TUT4: variants seen among roughly 807,000 people sequenced by gnomAD.
The protein encoded by TUT4 is terminal uridylyltransferase 4.
Under a neutral mutation model 192.2 loss-of-function variants are expected in TUT4, and 36 were observed. The observed-to-expected ratio is 0.19, with a 90% confidence interval of 0.14 to 0.25. The LOEUF (loss-of-function observed/expected upper bound fraction) is 0.25. Among genes scored for constraint, TUT4 ranks in the 10% least tolerant of loss-of-function variants. The probability of loss-of-function intolerance (pLI) is 1.00; values close to 1 mark genes in which losing one functional copy is unlikely to be tolerated. For synonymous variants in TUT4, 618 were observed against 666.0 expected (o/e 0.93, Z 1.11); for missense variants, 1,493 against 1,957.2 (o/e 0.76, Z 4.47).
At chr1:52,424,155 AAAATG>A in intron 29 of TUT4, 153 bp from the exon 30 acceptor site, 1 of 709,564 alleles carries the variant, frequency 1.4e-6, no homozygotes, top group South Asian at 1.9e-5. Flanking sequence ...GGTGGGGAGA[AAAATG>A]AAGAAGGGAA....
intron 6 of TUT4, 114 bp from the exon 7 acceptor site, chr1:52,493,776 G>T: frequency 5.9e-6 from 4 of 674,002 alleles, no homozygotes; most frequent in East Asian, 3.1e-5. Context: ...CATGCTTTGT[G>T]TTTTAAATAG....
rs1315128035 is a variant in TUT4, at chr1:52,535,599, A to G, written c.-93-9226T>C. Among the ~76,000 whole-genome samples the G allele has an allele frequency of 2.0e-5, 3 of 152,198 alleles. No individual in the cohort carries two copies. The East Asian group carries it at 5.8e-4, about 29-fold the overall frequency. On this transcript the variant is annotated intron_variant, in intron 1 of 29. Transcript: ENST00000257177. ...AATAGGAGTCACAGAAAGAAGAAAG[A>G]GAAGGGTGTAGAAAAAATATTTGAA...
intron 4 of TUT4, among the ~76,000 whole-genome samples, chr1:52,497,959 C>T (rs1313122599): frequency 6.6e-6 from 1 of 152,110 alleles, no homozygotes; most frequent in African/African-American, 2.4e-5. Flanking sequence ...CTCAAGAAAC[C>T]ATCTCTTATC....
At position 52,490,177 on chromosome 1, in the gene TUT4, G is replaced by A. The variant is rs372256193; in HGVS notation, c.1388+555C>T. On this transcript the variant is annotated intron_variant, in intron 8 of 29. Transcript: ENST00000257177. ...TTTTTTTTTTTTTTTTTGAGACAGG[G>A]TCTCACTCTGTCACCCAGGCTGGAG... Among the ~76,000 whole-genome samples the A allele has an allele frequency of 2.2e-4, 32 of 147,356 alleles. No homozygotes were observed. In the East Asian group the frequency reaches 2.4e-3, roughly 11 times the overall value.
intron 1 of TUT4, among the ~76,000 whole-genome samples, chr1:52,541,947 G>A (rs769619631): frequency 3.4e-4 from 52 of 152,272 alleles, no homozygotes; most frequent in Admixed American, 5.9e-4. Flanking sequence ...GGCAACCCAA[G>A]TATCCACCAA....
chr1:52,446,089 C>G (rs1657447213), intron 22 of TUT4, 85 bp from the exon 23 acceptor site: 1 of 1,349,412 alleles, frequency 7.4e-7, no homozygotes, highest in Admixed American at 2.1e-5. Flanking sequence ...AAGTCTAATA[C>G]TTATATGTAC....
intron 24 of TUT4, among the ~76,000 whole-genome samples, chr1:52,445,305 A>G (rs1657219411): frequency 6.6e-6 from 1 of 152,166 alleles, no homozygotes; most frequent in Admixed American, 6.5e-5. Flanking sequence ...TCAGCTTACT[A>G]AAGCTATACA....
At chr1:52,488,838 G>T in intron 9 of TUT4, 71 bp downstream of exon 9, 1 of 1,462,952 alleles carries the variant, frequency 6.8e-7, no homozygotes, top group Non-Finnish European at 9.1e-7. Flanking sequence ...ACAAGAAAAG[G>T]CCTAATTTTG....
intron 1 of TUT4, among the ~76,000 whole-genome samples, chr1:52,540,918 T>C (rs2149662051): frequency 6.6e-6 from 1 of 152,160 alleles, no homozygotes; most frequent in Admixed American, 6.5e-5. Context: ...AATACAAGAA[T>C]ACACTGGCCA....
intron 2 of TUT4, 105 bp from the exon 3 acceptor site, chr1:52,516,159 C>G: frequency 1.1e-6 from 1 of 915,368 alleles, no homozygotes; most frequent in South Asian, 1.8e-5. Context: ...ATATTATTTC[C>G]TTATATTTTC....
intron 28 of TUT4, among the ~76,000 whole-genome samples, chr1:52,430,715 C>T (rs961172579): frequency 1.3e-5 from 2 of 152,208 alleles, no homozygotes; most frequent in Non-Finnish European, 2.9e-5. Flanking sequence ...TAATAGCTAA[C>T]ATTTATGTGT....
chr1:52,460,813 T>C, intron 19 of TUT4: 1 of 183,304 alleles, frequency 5.5e-6, no homozygotes, highest in South Asian at 1.9e-4. Flanking sequence ...TAAACTCAAA[T>C]ATAAGATTTC....
chr1:52,456,349 T>C lies in TUT4; in HGVS notation c.3435+1987A>G, dbSNP rs1403635866. Among the ~76,000 whole-genome samples the C allele has an allele frequency of 2.9e-5, 4 of 138,842 alleles. No homozygotes were observed. The East Asian group carries it at 8.3e-4, about 29-fold the overall frequency. 91.1% of individuals were successfully genotyped at this position (138,842 alleles called of 152,430 possible). A position where few individuals can be genotyped will look rare whatever the true frequency, so the allele number is the denominator to read the frequency against. On this transcript the variant is annotated intron_variant, in intron 20 of 29. Coordinates refer to ENST00000257177, the MANE Select transcript of TUT4 (RefSeq NM_001009881.3). ...ATCGCTTGAACCCCGGAGGTGGAGG[T>C]TGCAGTGAGCTGAGATCATGCCACT... is the stretch of plus-strand genomic sequence containing the variant.
chr1:52,472,677 C>A lies in TUT4; in HGVS notation c.2728-575G>T, dbSNP rs533638409. ...ACACTAAAAATAAATTAGCTTCATA[C>A]GAAGAGTAACTTATCCAATAGCCAC... is the stretch of plus-strand genomic sequence containing the variant. On this transcript the variant is annotated intron_variant, in intron 13 of 29. Coordinates refer to ENST00000257177, the MANE Select transcript of TUT4 (RefSeq NM_001009881.3). Among the ~76,000 whole-genome samples, 4 of 151,838 alleles carry A rather than the reference C, an allele frequency of 2.6e-5. No individual in the cohort carries two copies. The South Asian group carries it at 8.3e-4, about 31-fold the overall frequency.
intron 28 of TUT4, among the ~76,000 whole-genome samples, chr1:52,429,922 A>C (rs1228638777): frequency 6.6e-6 from 1 of 151,792 alleles, no homozygotes; most frequent in Middle Eastern, 3.4e-3. Context: ...ATAAATATTT[A>C]TATGTATGTG....
chr1:52,432,936 AATAG>A, intron 27 of TUT4: 2 of 152,558 alleles, frequency 1.3e-5, no homozygotes, highest in East Asian at 3.8e-4. Context: ...TGAATGAATA[AATAG>A]ATAAGTAAAA....
At chr1:52,544,219 C>T (rs11805826) in intron 1 of TUT4, among the ~76,000 whole-genome samples, 3,963 of 149,540 alleles carry the variant, frequency 0.027, 157 homozygotes, top group African/African-American at 0.089. Context: ...ACCTGGGAGG[C>T]GGAGCTTGCA....
Position 52,525,724 on chromosome 1 carries a change from C to G in TUT4, c.557G>C (p.Ser186Thr), listed in dbSNP as rs535927981. The G allele has an allele frequency of 1.7e-5, 27 of 1,614,140 alleles. No individual in the cohort carries two copies. The South Asian group carries it at 2.7e-4, about 16-fold the overall frequency. ...CACTTTGTCCACAGAAGTAAAGGAG[C>G]TTGGAATTTTTTTTCCAATCTGTTG... ...ELQQIGKKIP[S>T]SFTSVDKVNI... Residue 186 changes from serine to threonine, a missense_variant, in exon 2 of 30, where the codon AGC becomes ACC. Coordinates refer to ENST00000257177, the MANE Select transcript of TUT4 (RefSeq NM_001009881.3).
intron 20 of TUT4, among the ~76,000 whole-genome samples, chr1:52,456,999 T>C (rs1661164692): frequency 6.6e-6 from 1 of 152,110 alleles, no homozygotes. Flanking sequence ...CCTCTCAATT[T>C]TGCTGTGAAC....
Sources: gnomAD v4.1 joint callset for allele counts (sites outside exome capture counted in the v4.1 genomes callset) on GRCh38, gnomAD v4.1.1 for gene constraint, MANE v1.5 for transcripts, NCBI Gene and HGNC (gene_info 2026-07-23, HGNC 2026-07-21) for gene names.